Variants in PRKN observed in about 807,000 individuals in gnomAD.
PRKN encodes parkin RBR E3 ubiquitin protein ligase, also known as E3 ubiquitin-protein ligase parkin.
PRKN carries 56 observed loss-of-function variants against 59.5 expected under a neutral mutation model. The ratio of observed to expected loss-of-function variants is 0.94; its 90% CI spans 0.76 to 1.18. The LOEUF is 1.18. PRKN is among the 50% of genes most tolerant of loss of function. PRKN has a pLI of 0.00. For synonymous variants in PRKN, 250 were observed against 222.1 expected, an observed-to-expected ratio of 1.13 and a Z score of -1.12; for missense variants, 657 against 596.4, an observed-to-expected ratio of 1.10 and a Z score of -1.06.
chr6:162,205,624 T>G (rs934137663), intron 3 of PRKN, among the ~76,000 whole-genome samples: 2 of 152,182 alleles, frequency 1.3e-5, no homozygotes, highest in Non-Finnish European at 2.9e-5. Context: ...GGACGGATTT[T>G]AAGTGATATT....
rs116989098 is a variant in PRKN, at chr6:161,356,468, C to T, written c.1285+3620G>A. ...TGACATGGCCTTTGAGAAGTCTACA[C>T]GTCTATGTAGAGGACGGATCATAAA... On this transcript the variant is annotated intron_variant, in intron 11 of 11. Transcript: ENST00000366898. The surrounding 1 kb of genome is among the most constrained non-coding windows in gnomAD (Gnocchi z 7.8). Among the ~76,000 whole-genome samples the T allele has an allele frequency of 0.019, 2,889 of 152,256 alleles. 40 individuals carry two copies. The highest frequency in any genetic ancestry group is 0.039 in the Admixed American group (604 of 15,292).
intron 2 of PRKN, among the ~76,000 whole-genome samples, chr6:162,335,005 T>C (rs1783769695): frequency 6.6e-6 from 1 of 152,144 alleles, no homozygotes; most frequent in South Asian, 2.1e-4. Context: ...GAGTTGTTTC[T>C]TATGGATGAT....
chr6:161,641,304 C>T (rs1250419208), intron 7 of PRKN, among the ~76,000 whole-genome samples: 2 of 152,198 alleles, frequency 1.3e-5, no homozygotes, highest in Non-Finnish European at 2.9e-5. Flanking sequence ...CTGGGTATAA[C>T]ATCATTATTG....
intron 5 of PRKN, among the ~76,000 whole-genome samples, chr6:161,977,560 T>G (rs913358508): frequency 1.3e-5 from 2 of 148,884 alleles, no homozygotes; most frequent in African/African-American, 5.0e-5. Context: ...TTTTTTTTTT[T>G]TTTTTAAGAC....
intron 1 of PRKN, among the ~76,000 whole-genome samples, chr6:162,627,708 C>T (rs1782950728): frequency 6.6e-6 from 1 of 152,042 alleles, no homozygotes; most frequent in Non-Finnish European, 1.5e-5. Context: ...TGGAGAGACA[C>T]AAGAATCTGC....
At chr6:161,465,466 C>T in intron 9 of PRKN, among the ~76,000 whole-genome samples, 1 of 149,378 alleles carries the variant, frequency 6.7e-6, no homozygotes, top group East Asian at 1.9e-4. Flanking sequence ...TTTTTGGGGG[C>T]CTTTCTTTTG....
chr6:162,434,471 T>C (rs1204632319), intron 2 of PRKN, among the ~76,000 whole-genome samples: 8 of 152,178 alleles, frequency 5.3e-5, no homozygotes, highest in African/African-American at 1.9e-4. Flanking sequence ...CTAAATTGTT[T>C]ATGATAATTT....
chr6:162,646,073 C>T lies in PRKN; in HGVS notation c.7+81589G>A, dbSNP rs776050942. ...GTATTTTTAGTAGAGACGGTTTCACCGTGTTAGCCAGGATGGTCTCGATCT... is the reference window on the plus strand; with the variant it reads ...GTATTTTTAGTAGAGACGGTTTCACTGTGTTAGCCAGGATGGTCTCGATCT... On this transcript the variant is annotated intron_variant, in intron 1 of 11. Transcript: ENST00000366898. 3.2e-4 allele frequency among the ~76,000 whole-genome samples: 48 copies of T among 151,742 alleles called. 1 individual carries two copies. The highest frequency in any genetic ancestry group is 5.9e-4 in the Non-Finnish European group (40 of 67,894).
intron 2 of PRKN, among the ~76,000 whole-genome samples, chr6:162,328,594 GTATCT>G (rs929362106): frequency 3.9e-5 from 6 of 152,208 alleles, no homozygotes; most frequent in Admixed American, 2.6e-4. Context: ...CCGTGCAGAC[GTATCT>G]TATAAGTGCT....
At chr6:162,482,426 G>A (rs889497193) in intron 1 of PRKN, among the ~76,000 whole-genome samples, 3 of 152,116 alleles carry the variant, frequency 2.0e-5, no homozygotes, top group South Asian at 2.1e-4. Flanking sequence ...GGTTACCCAG[G>A]AAACCTATTC....
intron 6 of PRKN, among the ~76,000 whole-genome samples, chr6:161,866,621 C>T (rs141740880): frequency 7.2e-5 from 11 of 152,154 alleles, no homozygotes; most frequent in African/African-American, 1.9e-4. Context: ...GTAACAGAGA[C>T]ACACAAATGA....
Position 161,530,748 on chromosome 6 carries a change from C to T in PRKN, c.1083+18106G>A, listed in dbSNP as rs1281177559. Among the ~76,000 whole-genome samples the T allele has an allele frequency of 6.6e-6, 1 of 151,762 alleles. No individual in the cohort carries two copies. The highest frequency in any genetic ancestry group is 1.5e-5 in the Non-Finnish European group (1 of 67,970). ...GGTCAGGCCAGTCTCGAACTCCTGA[C>T]CTCAGGTGATCCGCCCGTATTGGCC... On this transcript the variant is annotated intron_variant, in intron 9 of 11. Coordinates refer to ENST00000366898, the MANE Select transcript of PRKN (RefSeq NM_004562.3). The surrounding 1 kb of genome is among the most constrained non-coding windows in gnomAD (Gnocchi z 5.0).
intron 1 of PRKN, chr6:162,571,076 T>C (rs7767382): frequency 0.53 from 80,705 of 151,850 alleles, 21,729 homozygotes; most frequent in East Asian, 0.71. Context: ...ATAATGCTAG[T>C]ACTTTAGGAG....
intron 1 of PRKN, among the ~76,000 whole-genome samples, chr6:162,647,467 C>G (rs906219730): frequency 1.4e-5 from 2 of 144,910 alleles, no homozygotes; most frequent in Admixed American, 1.4e-4. Context: ...GTGATTCAAA[C>G]GCATGAGCAG....
In PRKN at chr6:161,352,755, G is replaced by GTGTGTGTATATATATATA. The variant is rs766949960; in HGVS notation, c.1286-2545_1286-2544insTATATATATATACACACA. On this transcript the variant is annotated intron_variant, in intron 11 of 11. Transcript: ENST00000366898. This position sits in a 1 kb window ranked among gnomAD's most constrained non-coding sequence, Gnocchi z 5.8. Reference sequence around the variant, plus strand: ...TGTGTGTGTGTGTGTGTGTGTGTGTGTATATATATATATATATTTTATTTT... The same window carrying GTGTGTGTATATATATATA: ...TGTGTGTGTGTGTGTGTGTGTGTGTGTGTGTGTATATATATATATATATATATATATATATTTTATTTT... Among the ~76,000 whole-genome samples, 2 of 134,378 alleles carry GTGTGTGTATATATATATA rather than the reference G, an allele frequency of 1.5e-5. No individual in the cohort carries two copies. Among genetic ancestry groups the GTGTGTGTATATATATATA allele is most frequent in the African/African-American group, 5.6e-5 (2 of 35,726 alleles). 88.2% of individuals were successfully genotyped at this position (134,378 alleles called of 152,430 possible). A position where few individuals can be genotyped will look rare whatever the true frequency, so the allele number is the denominator to read the frequency against.
chr6:161,655,424 T>C (rs1346030998), intron 7 of PRKN, among the ~76,000 whole-genome samples: 2 of 151,132 alleles, frequency 1.3e-5, no homozygotes, highest in Non-Finnish European at 2.9e-5. Context: ...ACCCAGGCTC[T>C]CACCACCATT....
At chr6:162,254,334 G>C (rs1779559232) in intron 3 of PRKN, among the ~76,000 whole-genome samples, 1 of 151,738 alleles carries the variant, frequency 6.6e-6, no homozygotes. Flanking sequence ...GTGGGTGCCT[G>C]TAATCCCAGC....
chr6:162,477,952 T>G (rs943385396), intron 1 of PRKN, among the ~76,000 whole-genome samples: 11 of 152,174 alleles, frequency 7.2e-5, no homozygotes, highest in African/African-American at 2.7e-4. Context: ...CTTCTGCAAC[T>G]GTTTTTCTCA....
chr6:162,369,807 C>T (rs966009613), intron 2 of PRKN, among the ~76,000 whole-genome samples: 4 of 152,190 alleles, frequency 2.6e-5, no homozygotes, highest in African/African-American at 2.4e-5. Flanking sequence ...CTACAAAGCC[C>T]GTCTACATTT....
Sources: allele counts gnomAD v4.1 joint callset (sites outside exome capture counted in the v4.1 genomes callset), GRCh38; gene constraint gnomAD v4.1.1; non-coding constraint Gnocchi (gnomAD v3.1); transcripts MANE v1.5; gene names NCBI Gene and HGNC (gene_info 2026-07-23, HGNC 2026-07-21).